The following MIER2 variants were observed in gnomAD, a reference collection of about 807,000 sequenced individuals.
MIER2 encodes the protein MIER family member 2.
In MIER2, 30 loss-of-function variants were observed where a neutral mutation model predicts 67.6. The ratio of observed to expected loss-of-function variants is 0.44; its 90% confidence interval spans 0.33 to 0.60. The LOEUF (loss-of-function observed/expected upper bound fraction) is 0.60. Ranked by LOEUF, MIER2 falls within the 20% of genes least tolerant of loss-of-function variation. MIER2 has a pLI of 0.02. For missense variants in MIER2, 702 were observed against 745.1 expected (o/e 0.94, Z 0.67); for synonymous variants, 372 against 312.6 (o/e 1.19, Z -2.00).
At chr19:340,556 T>G (rs146392138) in intron 1 of MIER2, 5 of 152,838 alleles carry the variant, frequency 3.3e-5, no homozygotes, top group Non-Finnish European at 7.3e-5. Context: ...GTCTTCGTCC[T>G]CATCATCTTC....
At chr19:313,671 T>C (rs776751019) in intron 7 of MIER2, 28 bp from the exon 8 acceptor site, 14 of 1,600,716 alleles carry the variant, frequency 8.7e-6, no homozygotes, top group South Asian at 3.3e-5. Flanking sequence ...AAAGGTCAGC[T>C]TGCAGGAACC....
chr19:324,956 C>T (rs570134853), intron 7 of MIER2, among the ~76,000 whole-genome samples: 21 of 152,346 alleles, frequency 1.4e-4, no homozygotes, highest in South Asian at 4.1e-4. Flanking sequence ...CCCAGGAGGA[C>T]GACTTCTCTT....
At chr19:320,220 CA>C (rs35481848) in intron 7 of MIER2, among the ~76,000 whole-genome samples, 1 of 148,766 alleles carries the variant, frequency 6.7e-6, no homozygotes. Context: ...ACAAAATAAA[CA>C]AAAAAAAAAT....
At position 344,771 on chromosome 19, in the gene MIER2, C is replaced by T. The variant is rs1270290368; in HGVS notation, c.9+3G>A. The T allele has an allele frequency of 1.3e-5, 15 of 1,190,486 alleles. No homozygotes were observed. The highest frequency in any genetic ancestry group is 4.5e-5 in the Admixed American group (1 of 22,188). The allele number at this position is 1,190,486 out of a possible 1,614,324, so 73.7% of individuals were successfully genotyped here. ...GGCCGGCTCCCCCGGCCCGCTCACT[C>T]ACCTCCGCCATGGCCGTGTGTGCGC... On this transcript the variant is annotated splice_donor_region_variant and intron_variant, in intron 1 of 13. Transcript: ENST00000264819.
At chr19:313,791 G>A in intron 7 of MIER2, 148 bp from the exon 8 acceptor site, 4 of 1,119,926 alleles carry the variant, frequency 3.6e-6, no homozygotes, top group South Asian at 1.6e-5. Context: ...CCATCCCTGT[G>A]CTCCTCCTGG....
chr19:331,177 T>C (rs1407359206), intron 3 of MIER2, among the ~76,000 whole-genome samples: 3 of 151,774 alleles, frequency 2.0e-5, no homozygotes, highest in African/African-American at 7.3e-5. Flanking sequence ...CTGGCCAACA[T>C]GGTAAAACCT....
At chr19:337,579 T>A (rs1972313769) in intron 1 of MIER2, among the ~76,000 whole-genome samples, 1 of 152,008 alleles carries the variant, frequency 6.6e-6, no homozygotes, top group South Asian at 2.1e-4. Context: ...TCAAGATCGG[T>A]AAGGAAGCCG....
chr19:316,400 C>A (rs578010177), intron 7 of MIER2, among the ~76,000 whole-genome samples: 8 of 152,022 alleles, frequency 5.3e-5, no homozygotes, highest in Non-Finnish European at 7.4e-5. Context: ...TCAAGCGATT[C>A]TCCTGCCTCA....
At chr19:313,232 C>T (rs936525337) in intron 8 of MIER2, among the ~76,000 whole-genome samples, 9 of 152,070 alleles carry the variant, frequency 5.9e-5, no homozygotes, top group Non-Finnish European at 2.9e-5. Flanking sequence ...GGGCCACCTA[C>T]ACCTCTATCC....
At chr19:332,350 T>C (rs552572166) in intron 3 of MIER2, among the ~76,000 whole-genome samples, 1 of 152,338 alleles carries the variant, frequency 6.6e-6, no homozygotes, top group South Asian at 2.1e-4. Flanking sequence ...TCCCCCAGGC[T>C]AGAGTGCAAT....
At position 312,376 on chromosome 19, in the gene MIER2, C is replaced by A. The variant is rs577135065; in HGVS notation, c.808-104G>T. ...GTGGCATCAGGGGCCGTCCACACCA[C>A]CCTCCTGGGCGATGTCAGAGCCACC... On this transcript the variant is annotated intron_variant, in intron 8 of 13. Coordinates refer to ENST00000264819, the MANE Select transcript of MIER2 (RefSeq NM_017550.3). 2.7e-6 allele frequency: 3 copies of A among 1,101,574 alleles called. No homozygotes were observed. In the East Asian group the frequency reaches 7.4e-5, roughly 27 times the overall value. 68.2% of individuals were successfully genotyped at this position (1,101,574 alleles called of 1,614,324 possible). A position where few individuals can be genotyped will look rare whatever the true frequency, so the allele number is the denominator to read the frequency against.
At position 306,529 on chromosome 19, in the gene MIER2, C is replaced by T. The variant is rs536715081; in HGVS notation, c.*161G>A. 20 of 984,404 alleles carry T rather than the reference C, an allele frequency of 2.0e-5. No individual in the cohort carries two copies. The highest frequency in any genetic ancestry group is 9.1e-5 in the Admixed American group (4 of 43,996). The allele number at this position is 984,404 out of a possible 1,614,324, so 61.0% of individuals were successfully genotyped here. ...CTGTGTGGACAGGGGCAAGGGCTCA[C>T]GGCCCAGCCACCTCACCCCAGTCCT... On this transcript the variant is annotated 3_prime_UTR_variant, in exon 14 of 14. Transcript: ENST00000264819.
Position 308,185 on chromosome 19 carries a change from T to C in MIER2, c.1198+392A>G, listed in dbSNP as rs906472626. ...TGCTGTGCTCCGTCATGGCCTCAGG[T>C]GCAAGATCCTGGCGACGGCTCCGGA... is the stretch of plus-strand genomic sequence containing the variant. On this transcript the variant is annotated intron_variant, in intron 12 of 13. Transcript: ENST00000264819. The surrounding 1 kb of genome is among the most constrained non-coding windows in gnomAD (Gnocchi z 9.1). Among the ~76,000 whole-genome samples, 1 of 152,084 alleles carries C rather than the reference T, an allele frequency of 6.6e-6. No homozygotes were observed. The highest frequency in any genetic ancestry group is 2.4e-5 in the African/African-American group (1 of 41,416).
Position 325,695 on chromosome 19 carries a change from C to T in MIER2, c.595G>A (p.Val199Met). 1 of 1,614,222 alleles carries T rather than the reference C, an allele frequency of 6.2e-7. No homozygotes were observed. The highest frequency in any genetic ancestry group is 8.5e-7 in the Non-Finnish European group (1 of 1,180,038). Residue 199 changes from valine to methionine, a missense_variant, in exon 7 of 14, where the codon GTG (valine) becomes ATG (methionine). Val to Met is a conservative substitution (Grantham distance 21, BLOSUM62 1). This residue lies in a region of MIER2 where 320 missense variants were observed against 292.6 expected (regional missense o/e 1.09). Transcript: ENST00000264819. ...PANKCKKEIM[V>M]GPQFQADLSN... Reference sequence around the variant, plus strand: ...AGGTCAGCTTGGAACTGAGGTCCCACCATGATCTCCTGCAAAGCAAGCACC... The same window carrying T: ...AGGTCAGCTTGGAACTGAGGTCCCATCATGATCTCCTGCAAAGCAAGCACC...
chr19:313,418 G>A, intron 8 of MIER2, 74 bp downstream of exon 8: 2 of 1,561,712 alleles, frequency 1.3e-6, no homozygotes, highest in South Asian at 2.4e-5. Context: ...GGCCCCTGGA[G>A]GCACTGGGGT....
At chr19:336,667 G>T (rs1972272137) in intron 1 of MIER2, among the ~76,000 whole-genome samples, 2 of 152,260 alleles carry the variant, frequency 1.3e-5, no homozygotes, top group South Asian at 4.1e-4. Context: ...GCTTCTTTTG[G>T]GGATGACAGA....
At chr19:326,177 A>C (rs1230197116) in intron 6 of MIER2, among the ~76,000 whole-genome samples, 1 of 152,044 alleles carries the variant, frequency 6.6e-6, no homozygotes, top group African/African-American at 2.4e-5. Context: ...CGGCAGAACC[A>C]CGGCTGGGAT....
intron 4 of MIER2, 90 bp downstream of exon 4, chr19:327,774 C>T: frequency 2.6e-6 from 4 of 1,544,562 alleles, no homozygotes; most frequent in Non-Finnish European, 3.5e-6. Flanking sequence ...TTTGTGCCTC[C>T]TCTCACTGAA....
At chr19:307,719 T>G (rs1970721170) in intron 12 of MIER2, among the ~76,000 whole-genome samples, 183 bp from the exon 13 acceptor site, 1 of 146,250 alleles carries the variant, frequency 6.8e-6, no homozygotes, top group Non-Finnish European at 1.5e-5. Flanking sequence ...GGTCTCAGCT[T>G]TAGAAGTAGA....
Sources: allele counts gnomAD v4.1 joint callset (sites outside exome capture counted in the v4.1 genomes callset), GRCh38; gene constraint gnomAD v4.1.1; regional missense constraint gnomAD v4.1.1; non-coding constraint Gnocchi (gnomAD v3.1); transcripts MANE v1.5; gene names NCBI Gene and HGNC (gene_info 2026-07-23, HGNC 2026-07-21).